TMEM132B: variants seen among roughly 807,000 people sequenced by gnomAD.
TMEM132B encodes transmembrane protein 132B.
Under a neutral mutation model 90.8 loss-of-function variants are expected in TMEM132B, and 18 were observed. The ratio of observed to expected loss-of-function variants is 0.20; its 90% CI spans 0.14 to 0.29. TMEM132B has a LOEUF of 0.29. Among genes scored for constraint, TMEM132B ranks in the 10% least tolerant of loss-of-function variants. The probability of loss-of-function intolerance (pLI) is 1.00; values close to 1 mark genes in which losing one functional copy is unlikely to be tolerated. For missense variants in TMEM132B, 1,096 were observed against 1,326.8 expected, an observed-to-expected ratio of 0.83 and a Z score of 2.70; for synonymous variants, 504 against 523.3, an observed-to-expected ratio of 0.96 and a Z score of 0.50.
At chr12:125,354,794 A>G (rs140047229) in intron 2 of TMEM132B, among the ~76,000 whole-genome samples, 41 of 152,340 alleles carry the variant, frequency 2.7e-4, no homozygotes, top group African/African-American at 9.6e-4. Context: ...GCTATAATTA[A>G]TATGTGTTAA....
intron 1 of TMEM132B, among the ~76,000 whole-genome samples, chr12:125,239,388 G>A (rs1029944742): frequency 8.6e-5 from 13 of 151,940 alleles, no homozygotes; most frequent in Non-Finnish European, 5.9e-5. Flanking sequence ...ACGGCTTTAA[G>A]AAAAAAAATT....
At chr12:125,316,503 T>C (rs944919839) in intron 1 of TMEM132B, among the ~76,000 whole-genome samples, 6 of 115,990 alleles carry the variant, frequency 5.2e-5, no homozygotes, top group Non-Finnish European at 8.8e-5. Flanking sequence ...CAATTTTAAA[T>C]GTAGAGAAAA....
intron 2 of TMEM132B, among the ~76,000 whole-genome samples, chr12:125,395,286 T>A (rs323847): frequency 6.6e-6 from 1 of 152,058 alleles, no homozygotes; most frequent in Non-Finnish European, 1.5e-5. Flanking sequence ...TGATTATTAG[T>A]CACCTGAAAG....
intron 5 of TMEM132B, among the ~76,000 whole-genome samples, chr12:125,594,162 C>T (rs1885384290): frequency 6.6e-6 from 1 of 152,130 alleles, no homozygotes; most frequent in Non-Finnish European, 1.5e-5. Flanking sequence ...ATGTATGCTC[C>T]CTGTCTTTCC....
intron 1 of TMEM132B, among the ~76,000 whole-genome samples, chr12:125,188,032 G>C (rs977410770): frequency 6.6e-6 from 1 of 152,180 alleles, no homozygotes; most frequent in African/African-American, 2.4e-5. Flanking sequence ...TGGTAAGGTT[G>C]CAGTTAGGAG....
At chr12:125,531,649 C>T (rs1883649615) in intron 4 of TMEM132B, among the ~76,000 whole-genome samples, 1 of 152,204 alleles carries the variant, frequency 6.6e-6, no homozygotes, top group African/African-American at 2.4e-5. Flanking sequence ...GTTTCTGTCT[C>T]TTAGGTTCTC....
chr12:125,242,399 C>T (rs1874092284), intron 1 of TMEM132B, among the ~76,000 whole-genome samples: 1 of 152,226 alleles, frequency 6.6e-6, no homozygotes, highest in African/African-American at 2.4e-5. Flanking sequence ...AATCCTCCCA[C>T]CTCAGTCTCC....
At chr12:125,451,630 G>GTT (rs34121565) in intron 3 of TMEM132B, among the ~76,000 whole-genome samples, 44 of 145,286 alleles carry the variant, frequency 3.0e-4, no homozygotes, top group South Asian at 6.6e-4. Context: ...GTGGTCTACT[G>GTT]TTTTTTTTTT....
At chr12:125,399,322 A>G (rs1419752452) in intron 2 of TMEM132B, among the ~76,000 whole-genome samples, 4 of 152,236 alleles carry the variant, frequency 2.6e-5, no homozygotes, top group Non-Finnish European at 5.9e-5. Context: ...TATGGCATGT[A>G]CTGTCACCAA....
rs11614607 is a variant in TMEM132B at position 125,406,419 on chromosome 12, A to C, written c.960-9112A>C. The stretch of plus-strand genomic sequence containing the variant: ...TTGAGACATTTCAGCATTTGTGAAC[A>C]AGTTCTTTTTCTACTGTGAAATGGG... On this transcript the variant is annotated intron_variant, in intron 2 of 8. Transcript: ENST00000682704. The surrounding 1 kb of genome is among the most constrained non-coding windows in gnomAD (Gnocchi z 8.3). 0.1 allele frequency among the ~76,000 whole-genome samples: 15,564 copies of C among 152,174 alleles called. 1,031 individuals are homozygous for C. Among genetic ancestry groups the C allele is most frequent in the African/African-American group, 0.18 (7,497 of 41,496 alleles).
chr12:125,210,399 G>A (rs1046713965), intron 1 of TMEM132B, among the ~76,000 whole-genome samples: 4 of 152,188 alleles, frequency 2.6e-5, no homozygotes, highest in African/African-American at 9.7e-5. Context: ...TGCCGATGAG[G>A]GTGATCACAT....
chr12:125,252,948 A>G (rs148161255), intron 1 of TMEM132B, among the ~76,000 whole-genome samples: 1 of 152,324 alleles, frequency 6.6e-6, no homozygotes, highest in East Asian at 1.9e-4. Flanking sequence ...TAAGAACTCA[A>G]AGGGGTTAAC....
chr12:125,497,167 G>C (rs7302148), intron 3 of TMEM132B, among the ~76,000 whole-genome samples: 70,834 of 152,044 alleles, frequency 0.47, 16,795 homozygotes, highest in Middle Eastern at 0.62. Context: ...CTTCCTCATT[G>C]CCCTGCTGTT....
intron 2 of TMEM132B, among the ~76,000 whole-genome samples, chr12:125,367,162 G>A (rs371224545): frequency 1.3e-5 from 2 of 152,090 alleles, no homozygotes; most frequent in African/African-American, 2.4e-5. Flanking sequence ...TCATCCTCAG[G>A]TTGGTTTCAG....
intron 4 of TMEM132B, among the ~76,000 whole-genome samples, chr12:125,538,179 T>C (rs1592981830): frequency 6.6e-6 from 1 of 152,310 alleles, no homozygotes; most frequent in East Asian, 1.9e-4. Flanking sequence ...AGGTATGGGG[T>C]GACTCTTCCC....
chr12:125,248,536 G>A (rs373754900), intron 1 of TMEM132B, among the ~76,000 whole-genome samples: 141 of 152,238 alleles, frequency 9.3e-4, no homozygotes, highest in African/African-American at 3.3e-3. Context: ...AGTTTATATC[G>A]CTAGATGTGT....
chr12:125,571,233 G>A (rs1884786880), intron 4 of TMEM132B, among the ~76,000 whole-genome samples: 2 of 152,076 alleles, frequency 1.3e-5, no homozygotes. Context: ...GCTTAGCAGC[G>A]GAGTGATTCT....
chr12:125,539,473 T>C (rs765344312), intron 4 of TMEM132B, among the ~76,000 whole-genome samples: 1 of 152,236 alleles, frequency 6.6e-6, no homozygotes, highest in Admixed American at 6.5e-5. Flanking sequence ...CCATCTGGTT[T>C]CTTTCCTTCG....
At chr12:125,208,023 G>GT (rs1873223389) in intron 1 of TMEM132B, among the ~76,000 whole-genome samples, 1 of 152,214 alleles carries the variant, frequency 6.6e-6, no homozygotes, top group African/African-American at 2.4e-5. Context: ...AATGGCTACT[G>GT]TGTTGGACAA....
Sources: allele counts gnomAD v4.1 joint callset (sites outside exome capture counted in the v4.1 genomes callset), GRCh38; gene constraint gnomAD v4.1.1; non-coding constraint Gnocchi (gnomAD v3.1); transcripts MANE v1.5; gene names NCBI Gene and HGNC (gene_info 2026-07-23, HGNC 2026-07-21).